LAMA2: variants seen among roughly 807,000 people sequenced by gnomAD.
LAMA2 encodes the protein laminin subunit alpha 2, also known as laminin subunit alpha-2.
Under a neutral mutation model 364.8 loss-of-function variants are expected in LAMA2, and 269 were observed. The observed-to-expected ratio is 0.74, with a 90% confidence interval of 0.67 to 0.82. The LOEUF is 0.82. Ranked by LOEUF, LAMA2 falls within the 40% of genes least tolerant of loss-of-function variation. LAMA2 has a pLI of 0.00. For missense variants in LAMA2, 3,807 were observed against 3,873.2 expected, an observed-to-expected ratio of 0.98 and a Z score of 0.45; for synonymous variants, 1,379 against 1,370.6, an observed-to-expected ratio of 1.01 and a Z score of -0.14.
chr6:129,369,256 A>G (rs1777939017), intron 33 of LAMA2, among the ~76,000 whole-genome samples: 1 of 152,256 alleles, frequency 6.6e-6, no homozygotes, highest in Non-Finnish European at 1.5e-5. Context: ...GCGCTTAGAC[A>G]TTACAGGGTA....
At chr6:129,222,920 T>G (rs1783968441) in intron 12 of LAMA2, among the ~76,000 whole-genome samples, 1 of 152,214 alleles carries the variant, frequency 6.6e-6, no homozygotes, top group African/African-American at 2.4e-5. Flanking sequence ...ATCGCCCCAC[T>G]GTCTTCCACA....
At chr6:129,513,146 G>A (rs756621638) in intron 63 of LAMA2, among the ~76,000 whole-genome samples, 23 of 152,128 alleles carry the variant, frequency 1.5e-4, no homozygotes, top group African/African-American at 2.4e-5. Flanking sequence ...TTATTAAATA[G>A]GAATCGTACT....
Position 129,391,556 on chromosome 6 carries a change from A to T in LAMA2, c.5137A>T (p.Asn1713Tyr), listed in dbSNP as rs1779321416. 6.2e-7 allele frequency: 1 copy of T among 1,613,840 alleles called. No individual in the cohort carries two copies. The highest frequency in any genetic ancestry group is 1.3e-5 in the African/African-American group (1 of 74,932). Residue 1713 changes from asparagine to tyrosine, a missense_variant, in exon 36 of 65, where the codon AAT (asparagine) becomes TAT (tyrosine). By Grantham distance (143) the Asn-to-Tyr change is moderately radical (BLOSUM62 -2). Coordinates refer to ENST00000421865, the MANE Select transcript of LAMA2 (RefSeq NM_000426.4). The stretch of plus-strand genomic sequence containing the variant: ...AACTCGAGACGAGGCCTTTGAGAGA[A>T]ATTTGGAAGGGCTTCAGAAAGAGAT... ...LGTRDEAFER[N>Y]LEGLQKEIDQ... is the part of the protein sequence containing the mutation.
At chr6:128,926,537 C>T (rs1231804719) in intron 1 of LAMA2, among the ~76,000 whole-genome samples, 4 of 152,206 alleles carry the variant, frequency 2.6e-5, no homozygotes, top group East Asian at 1.9e-4. Flanking sequence ...AAACTGCTGA[C>T]AGCTCAAGTG....
At chr6:129,408,684 G>A (rs1275558502) in intron 40 of LAMA2, among the ~76,000 whole-genome samples, 1 of 152,140 alleles carries the variant, frequency 6.6e-6, no homozygotes, top group Non-Finnish European at 1.5e-5. Context: ...GGAGGGCTCA[G>A]TGTTGGTTTC....
intron 58 of LAMA2, among the ~76,000 whole-genome samples, chr6:129,498,330 G>C (rs998446642): frequency 6.6e-6 from 1 of 152,236 alleles, no homozygotes; most frequent in African/African-American, 2.4e-5. Flanking sequence ...AGCAGCTTTA[G>C]TGCTACACCT....
intron 4 of LAMA2, among the ~76,000 whole-genome samples, chr6:129,138,287 A>T (rs1042636095): frequency 6.6e-6 from 1 of 152,104 alleles, no homozygotes; most frequent in Non-Finnish European, 1.5e-5. Flanking sequence ...TAATTTTCTG[A>T]ATATGCAAAT....
At chr6:129,235,583 T>G (rs1168559339) in intron 12 of LAMA2, among the ~76,000 whole-genome samples, 1 of 152,178 alleles carries the variant, frequency 6.6e-6, no homozygotes, top group African/African-American at 2.4e-5. Flanking sequence ...GCAGGAACTT[T>G]GGAATGTCCT....
chr6:129,453,505 T>C (rs1782794813), intron 46 of LAMA2, among the ~76,000 whole-genome samples: 2 of 152,188 alleles, frequency 1.3e-5, no homozygotes, highest in South Asian at 4.1e-4. Flanking sequence ...CTTCCGTTAA[T>C]GAAATGAAAA....
At chr6:129,058,599 CCGG>C (rs1788655869) in intron 2 of LAMA2, among the ~76,000 whole-genome samples, 1 of 152,044 alleles carries the variant, frequency 6.6e-6, no homozygotes, top group African/African-American at 2.4e-5. Flanking sequence ...CAGACAAATG[CCGG>C]ATGAGAGGTT....
At chr6:128,949,730 A>C (rs1780696296) in intron 1 of LAMA2, among the ~76,000 whole-genome samples, 1 of 152,150 alleles carries the variant, frequency 6.6e-6, no homozygotes, top group Non-Finnish European at 1.5e-5. Flanking sequence ...TTCTGTTTTT[A>C]TTTCACAAGT....
At chr6:129,503,772 A>G (rs1275119493) in intron 60 of LAMA2, among the ~76,000 whole-genome samples, 1 of 152,198 alleles carries the variant, frequency 6.6e-6, no homozygotes, top group Non-Finnish European at 1.5e-5. Flanking sequence ...CTAACCACAC[A>G]GTGGTCTGTG....
intron 30 of LAMA2, among the ~76,000 whole-genome samples, chr6:129,345,526 A>C (rs1776498008): frequency 1.3e-5 from 2 of 152,188 alleles, no homozygotes. Context: ...GTTGTTTTAT[A>C]TGATTTGTAT....
At chr6:128,921,817 A>C in intron 1 of LAMA2, among the ~76,000 whole-genome samples, 1 of 149,784 alleles carries the variant, frequency 6.7e-6, no homozygotes, top group African/African-American at 2.5e-5. Flanking sequence ...CTAACTCGTC[A>C]TCTAGCATTA....
At chr6:129,380,521 G>A (rs575137044) in intron 34 of LAMA2, among the ~76,000 whole-genome samples, 1 of 152,054 alleles carries the variant, frequency 6.6e-6, no homozygotes. Context: ...CAAATCCATG[G>A]TGCTATGAAG....
chr6:129,412,063 A>G (rs1038718714), intron 40 of LAMA2, among the ~76,000 whole-genome samples: 4 of 152,206 alleles, frequency 2.6e-5, no homozygotes, highest in African/African-American at 4.8e-5. Context: ...AACATTGAAA[A>G]AAAATCTGGA....
intron 35 of LAMA2, among the ~76,000 whole-genome samples, chr6:129,387,167 C>G (rs1779063327): frequency 6.6e-6 from 1 of 151,334 alleles, no homozygotes; most frequent in Non-Finnish European, 1.5e-5. Flanking sequence ...TTTTTATTTT[C>G]CTTTTTACTT....
intron 3 of LAMA2, among the ~76,000 whole-genome samples, chr6:129,095,449 A>G (rs976154562): frequency 4.6e-5 from 7 of 152,340 alleles, no homozygotes; most frequent in African/African-American, 1.7e-4. Context: ...GATTAGAGAT[A>G]AGTTTTATTT....
At chr6:128,994,934 AT>A (rs1162853758) in intron 1 of LAMA2, among the ~76,000 whole-genome samples, 1 of 152,130 alleles carries the variant, frequency 6.6e-6, no homozygotes, top group East Asian at 1.9e-4. Context: ...TAGTAAAGAA[AT>A]CCCATGATTC....
Sources: allele counts gnomAD v4.1 joint callset (sites outside exome capture counted in the v4.1 genomes callset), GRCh38; gene constraint gnomAD v4.1.1; transcripts MANE v1.5; gene names NCBI Gene and HGNC (gene_info 2026-07-23, HGNC 2026-07-21).